Variants in PSD3 observed in about 807,000 individuals in gnomAD.
PSD3 encodes the protein PH and SEC7 domain-containing protein 3.
In PSD3, 49 loss-of-function variants were observed where a neutral mutation model predicts 105.5. That is an observed-to-expected ratio of 0.46 (90% CI 0.37 to 0.59). PSD3 has a LOEUF of 0.59. Among genes scored for constraint, PSD3 ranks in the 20% least tolerant of loss-of-function variants. The pLI is 0.00. For synonymous variants in PSD3, 557 were observed against 457.8 expected, an observed-to-expected ratio of 1.22 and a Z score of -2.77; for missense variants, 1,561 against 1,263.8, an observed-to-expected ratio of 1.24 and a Z score of -3.57.
At chr8:18,840,074 G>C (rs1164561136) in intron 4 of PSD3, among the ~76,000 whole-genome samples, 1 of 152,174 alleles carries the variant, frequency 6.6e-6, no homozygotes, top group African/African-American at 2.4e-5. Flanking sequence ...GGACCTTTAA[G>C]AATCCTAATG....
chr8:18,760,036 T>C (rs187175925), intron 9 of PSD3, among the ~76,000 whole-genome samples: 1 of 151,252 alleles, frequency 6.6e-6, no homozygotes, highest in African/African-American at 2.5e-5. Flanking sequence ...AGAAACTCAG[T>C]AGAAATAAAA....
At chr8:18,603,724 C>G (rs922188143) in intron 11 of PSD3, among the ~76,000 whole-genome samples, 18 of 152,278 alleles carry the variant, frequency 1.2e-4, no homozygotes, top group African/African-American at 3.9e-4. Flanking sequence ...TGGTTTAGCA[C>G]CATCCGCTTC....
intron 4 of PSD3, among the ~76,000 whole-genome samples, chr8:18,828,067 A>ATATATATATATATATATATATATATAT: frequency 8.4e-6 from 1 of 118,882 alleles, no homozygotes; most frequent in African/African-American, 3.5e-5. Context: ...ATATATATAT[A>ATATATATATATATATATATATATATAT]TTTTTTTTTT....
At chr8:18,921,749 G>T (rs1413518206) in intron 2 of PSD3, among the ~76,000 whole-genome samples, 1 of 152,196 alleles carries the variant, frequency 6.6e-6, no homozygotes, top group Non-Finnish European at 1.5e-5. Flanking sequence ...CATACACTAT[G>T]TATGCAGAGG....
intron 1 of PSD3, among the ~76,000 whole-genome samples, chr8:18,975,329 T>C (rs929683489): frequency 6.8e-6 from 1 of 147,218 alleles, no homozygotes; most frequent in African/African-American, 2.4e-5. Flanking sequence ...TTTTTTTTTT[T>C]TTTTTGCCAA....
At chr8:18,962,544 A>G (rs1586535697) in intron 1 of PSD3, among the ~76,000 whole-genome samples, 2 of 152,324 alleles carry the variant, frequency 1.3e-5, no homozygotes. Flanking sequence ...GCTCCAGTGA[A>G]ATGCCTTTTT....
chr8:18,750,854 G>A (rs1805424161), intron 9 of PSD3, among the ~76,000 whole-genome samples: 1 of 152,160 alleles, frequency 6.6e-6, no homozygotes, highest in African/African-American at 2.4e-5. Context: ...TAGACACAGG[G>A]TGCTGATTGG....
At chr8:18,799,760 A>G (rs938227676) in intron 7 of PSD3, among the ~76,000 whole-genome samples, 11 of 152,208 alleles carry the variant, frequency 7.2e-5, no homozygotes, top group Admixed American at 1.3e-4. Context: ...CATTACTGTT[A>G]GGTTAAAGTC....
In PSD3 at chr8:18,953,922, A is replaced by G. The variant is rs780070989; in HGVS notation, c.22-17780T>C. On this transcript the variant is annotated intron_variant, in intron 1 of 15. Coordinates refer to ENST00000327040, the MANE Select transcript of PSD3 (RefSeq NM_015310.4). ...TGACACTTAAGACACACATATATACATATATATGTATACACTCCTCACACA... is the reference window on the plus strand; with the variant it reads ...TGACACTTAAGACACACATATATACGTATATATGTATACACTCCTCACACA... 2.1e-4 allele frequency among the ~76,000 whole-genome samples: 32 copies of G among 152,160 alleles called. 1 individual carries two copies. Among genetic ancestry groups the G allele is most frequent in the Non-Finnish European group, 3.2e-4 (22 of 68,038 alleles).
intron 1 of PSD3, among the ~76,000 whole-genome samples, chr8:19,038,589 T>A (rs554374507): frequency 6.6e-6 from 1 of 152,292 alleles, no homozygotes; most frequent in South Asian, 2.1e-4. Flanking sequence ...GCCTTCTGAA[T>A]AGCTGAAACC....
intron 1 of PSD3, among the ~76,000 whole-genome samples, chr8:18,946,224 T>C (rs1445865357): frequency 2.6e-5 from 4 of 152,170 alleles, no homozygotes; most frequent in African/African-American, 9.7e-5. Context: ...TCCCTCAGTT[T>C]ATCTGGCAAT....
intron 9 of PSD3, among the ~76,000 whole-genome samples, chr8:18,695,595 C>A (rs74418177): frequency 2.6e-5 from 4 of 151,964 alleles, no homozygotes; most frequent in Non-Finnish European, 5.9e-5. Flanking sequence ...TAATAAAAAA[C>A]ACCCTTAAAC....
At chr8:18,661,768 A>T (rs768205462) in intron 9 of PSD3, among the ~76,000 whole-genome samples, 4 of 152,212 alleles carry the variant, frequency 2.6e-5, no homozygotes, top group Non-Finnish European at 5.9e-5. Flanking sequence ...AGGCTTGACC[A>T]CAAGAGAATT....
chr8:18,537,633 A>G (rs1292198261), intron 15 of PSD3, among the ~76,000 whole-genome samples: 1 of 151,878 alleles, frequency 6.6e-6, no homozygotes, highest in Non-Finnish European at 1.5e-5. Flanking sequence ...TTGCTTTCTG[A>G]TAAAAGGGAC....
chr8:18,654,456 T>A (rs1476507910), intron 10 of PSD3, among the ~76,000 whole-genome samples: 1 of 152,182 alleles, frequency 6.6e-6, no homozygotes, highest in African/African-American at 2.4e-5. Flanking sequence ...AAGTTCTAAT[T>A]ACAAAGAACA....
intron 11 of PSD3, among the ~76,000 whole-genome samples, chr8:18,606,412 G>A (rs1804834155): frequency 6.6e-6 from 1 of 152,122 alleles, no homozygotes; most frequent in Non-Finnish European, 1.5e-5. Context: ...GGCCTAACAG[G>A]ATTTCCCTTT....
chr8:18,814,414 A>G (rs943077156), intron 4 of PSD3, among the ~76,000 whole-genome samples: 2 of 152,188 alleles, frequency 1.3e-5, no homozygotes, highest in African/African-American at 4.8e-5. Context: ...GGCTTCCAAC[A>G]TAACAACTGT....
In PSD3 at chr8:18,707,587, CAT is replaced by C. The variant is rs1371843596; in HGVS notation, c.2173-51904_2173-51903del. Among the ~76,000 whole-genome samples the C allele has an allele frequency of 2.6e-5, 4 of 152,136 alleles. No homozygotes were observed. In the East Asian group the frequency reaches 5.8e-4, roughly 22 times the overall value. On this transcript the variant is annotated intron_variant, in intron 9 of 15. Transcript: ENST00000327040. ...TGCAAGACTATGAGATAGATATTATCATCACTCCCATGTTCCAGATGAGACAG... is the reference window on the plus strand; with the variant it reads ...TGCAAGACTATGAGATAGATATTATCCACTCCCATGTTCCAGATGAGACAG...
intron 10 of PSD3, among the ~76,000 whole-genome samples, chr8:18,646,228 TC>T (rs1293316789): frequency 1.3e-5 from 2 of 152,146 alleles, no homozygotes; most frequent in Non-Finnish European, 2.9e-5. Context: ...ATTTTAAAGT[TC>T]CCTCATAAAT....
Sources: gnomAD v4.1 joint callset for allele counts (sites outside exome capture counted in the v4.1 genomes callset) on GRCh38, gnomAD v4.1.1 for gene constraint, MANE v1.5 for transcripts, NCBI Gene and HGNC (gene_info 2026-07-23, HGNC 2026-07-21) for gene names.